TRHDE: variants seen among roughly 807,000 people sequenced by gnomAD.
TRHDE encodes thyrotropin releasing hormone degrading enzyme.
TRHDE carries 72 observed loss-of-function variants against 125.7 expected under a neutral mutation model. The observed-to-expected ratio is 0.57, with a 90% CI of 0.47 to 0.70. TRHDE has a LOEUF of 0.70. TRHDE is among the 30% of genes least tolerant of loss of function. TRHDE has a pLI of 0.00. For synonymous variants in TRHDE, 509 were observed against 509.1 expected (o/e 1.00, Z 0.00); for missense variants, 1,110 against 1,327.1 (o/e 0.84, Z 2.54).
intron 4 of TRHDE, 35 bp downstream of exon 4, chr12:72,469,947 G>A (rs781558675): frequency 6.3e-6 from 10 of 1,591,600 alleles, no homozygotes; most frequent in Non-Finnish European, 8.5e-6. Context: ...AGTATAATGT[G>A]AAAGCTATTG....
At position 72,378,077 on chromosome 12, in the gene TRHDE, T is replaced by G; in HGVS notation, c.1271T>G (p.Phe424Cys). 1 of 1,605,124 alleles carries G rather than the reference T, an allele frequency of 6.2e-7. No individual in the cohort carries two copies. The highest frequency in any genetic ancestry group is 8.5e-7 in the Non-Finnish European group (1 of 1,176,478). The change falls in exon 3 of 19, where the codon TTT becomes TGT. Residue 424 changes from phenylalanine to cysteine, a missense_variant. Phe to Cys is a radical substitution (Grantham distance 205). This residue lies in a region of TRHDE where 252 missense variants were observed against 274.8 expected (regional missense o/e 0.92). Coordinates refer to ENST00000261180, the MANE Select transcript of TRHDE (RefSeq NM_013381.3). ...ALHITKRLIE[F>C]YEDYFKVPYS... The stretch of plus-strand genomic sequence containing the variant: ...CATATAACAAAGAGATTAATAGAAT[T>G]TTATGAAGACTACTTTAAAGTGCCC...
intron 15 of TRHDE, among the ~76,000 whole-genome samples, chr12:72,622,953 A>G (rs985195894): frequency 6.6e-6 from 1 of 152,014 alleles, no homozygotes; most frequent in Admixed American, 6.6e-5. Context: ...CATATATTTG[A>G]AGACAGTGAT....
chr12:72,132,833 G>A (rs1232206079), intron 2 of TRHDE, among the ~76,000 whole-genome samples: 1 of 152,212 alleles, frequency 6.6e-6, no homozygotes, highest in African/African-American at 2.4e-5. Flanking sequence ...GAGCAAGGAT[G>A]TGAATTCAGC....
intron 3 of TRHDE, among the ~76,000 whole-genome samples, chr12:72,380,877 T>TC (rs1247464082): frequency 1.1e-4 from 16 of 143,172 alleles, no homozygotes; most frequent in African/African-American, 4.4e-4. Context: ...CTCTCTCTCT[T>TC]CTTTCTTTCT....
At chr12:72,441,651 G>A (rs1213773364) in intron 3 of TRHDE, among the ~76,000 whole-genome samples, 1 of 151,852 alleles carries the variant, frequency 6.6e-6, no homozygotes, top group East Asian at 1.9e-4. Context: ...TGAGTTTAAT[G>A]AAGAGAGCTG....
intron 15 of TRHDE, among the ~76,000 whole-genome samples, chr12:72,649,629 A>C (rs1874423849): frequency 6.6e-6 from 1 of 152,190 alleles, no homozygotes; most frequent in African/African-American, 2.4e-5. Context: ...AAATATTTGC[A>C]AACCATATAT....
At chr12:72,236,763 G>A (rs902158743) in intron 2 of TRHDE, among the ~76,000 whole-genome samples, 1 of 152,126 alleles carries the variant, frequency 6.6e-6, no homozygotes, top group Non-Finnish European at 1.5e-5. Context: ...CTTTGCACAA[G>A]TATGCAGCAC....
intron 2 of TRHDE, chr12:72,303,334 C>T (rs986848958): frequency 1.3e-5 from 2 of 152,042 alleles, no homozygotes; most frequent in African/African-American, 4.8e-5. Flanking sequence ...CGTCTATGGT[C>T]AGGGATTGTT....
intron 6 of TRHDE, among the ~76,000 whole-genome samples, chr12:72,533,038 A>C (rs1868641235): frequency 6.6e-6 from 1 of 152,080 alleles, no homozygotes; most frequent in Admixed American, 6.6e-5. Flanking sequence ...AATATGTGAC[A>C]GTGTTTCCTT....
intron 2 of TRHDE, among the ~76,000 whole-genome samples, chr12:72,225,107 A>G (rs573328809): frequency 6.6e-6 from 1 of 152,318 alleles, no homozygotes; most frequent in African/African-American, 2.4e-5. Context: ...AAATAATAAT[A>G]TAATAGTATG....
chr12:72,398,544 C>T (rs1191778902), intron 3 of TRHDE, among the ~76,000 whole-genome samples: 1 of 152,202 alleles, frequency 6.6e-6, no homozygotes, highest in African/African-American at 2.4e-5. Context: ...ATGTTTCCAA[C>T]AGTACTTGAC....
At chr12:72,581,542 A>C (rs1315852214) in intron 12 of TRHDE, among the ~76,000 whole-genome samples, 1 of 152,186 alleles carries the variant, frequency 6.6e-6, no homozygotes, top group Non-Finnish European at 1.5e-5. Flanking sequence ...AGTTTCCTGG[A>C]ATATTCAATT....
chr12:72,668,965 G>A lies in TRHDE; in HGVS notation c.*5770G>A, dbSNP rs900645342. 2.6e-5 allele frequency: 4 copies of A among 151,778 alleles called. No homozygotes were observed. The highest frequency in any genetic ancestry group is 4.8e-5 in the African/African-American group (2 of 41,404). 9.4% of individuals were successfully genotyped at this position (151,778 alleles called of 1,614,324 possible). ...ATTGTCACTGGCTCTTTCGAAAGAA[G>A]TATTAATTTGTGCATTCTGGTTTAC... On this transcript the variant is annotated 3_prime_UTR_variant, in exon 19 of 19. Coordinates refer to ENST00000261180, the MANE Select transcript of TRHDE (RefSeq NM_013381.3).
At chr12:72,449,423 G>T (rs1010647518) in intron 3 of TRHDE, among the ~76,000 whole-genome samples, 1 of 151,910 alleles carries the variant, frequency 6.6e-6, no homozygotes, top group Non-Finnish European at 1.5e-5. Flanking sequence ...CATGTGATCT[G>T]ATTTTTGAAT....
At chr12:72,241,164 C>T (rs1878470899) in intron 2 of TRHDE, among the ~76,000 whole-genome samples, 1 of 152,154 alleles carries the variant, frequency 6.6e-6, no homozygotes, top group Non-Finnish European at 1.5e-5. Context: ...CCACTTAAAA[C>T]AGTTAACATA....
intron 15 of TRHDE, among the ~76,000 whole-genome samples, chr12:72,627,261 A>ACACT (rs1464844105): frequency 1.3e-5 from 2 of 151,958 alleles, no homozygotes; most frequent in African/African-American, 4.8e-5. Flanking sequence ...TCAAAATTTC[A>ACACT]CACTCACTCA....
intron 3 of TRHDE, among the ~76,000 whole-genome samples, chr12:72,405,118 C>T (rs1356361839): frequency 6.6e-6 from 1 of 152,054 alleles, no homozygotes; most frequent in African/African-American, 2.4e-5. Flanking sequence ...GGGTTAATTC[C>T]ACTTAATCCT....
chr12:72,353,447 T>C (rs1870676099), intron 2 of TRHDE, among the ~76,000 whole-genome samples: 1 of 151,638 alleles, frequency 6.6e-6, no homozygotes, highest in East Asian at 1.9e-4. Flanking sequence ...GTAAAAAATA[T>C]AGTAAAAGAT....
At chr12:72,540,664 G>A (rs963688453) in intron 6 of TRHDE, among the ~76,000 whole-genome samples, 10 of 151,598 alleles carry the variant, frequency 6.6e-5, no homozygotes, top group Admixed American at 4.0e-4. Context: ...GAAATATATA[G>A]GAGGAGAGCT....
Sources: allele counts gnomAD v4.1 joint callset (sites outside exome capture counted in the v4.1 genomes callset), GRCh38; gene constraint gnomAD v4.1.1; regional missense constraint gnomAD v4.1.1; transcripts MANE v1.5; gene names NCBI Gene and HGNC (gene_info 2026-07-23, HGNC 2026-07-21).